PRMT8: variants seen among roughly 807,000 people sequenced by gnomAD.
PRMT8 encodes the protein protein arginine methyltransferase 8, also known as protein arginine N-methyltransferase 8.
PRMT8 carries 7 observed loss-of-function variants against 47.1 expected under a neutral mutation model. That is an observed-to-expected ratio of 0.15 (90% CI 0.08 to 0.28). The LOEUF is 0.28. Among genes scored for constraint, PRMT8 ranks in the 10% least tolerant of loss-of-function variants. The pLI is 1.00. For missense variants in PRMT8, 237 were observed against 505.4 expected (o/e 0.47, Z 5.09); for synonymous variants, 188 against 186.5 (o/e 1.01, Z -0.07).
At chr12:3,426,064 C>CAG (rs1864601205) in intron 1 of PRMT8, among the ~76,000 whole-genome samples, 1 of 152,188 alleles carries the variant, frequency 6.6e-6, no homozygotes, top group East Asian at 1.9e-4. Flanking sequence ...CGGGATATAG[C>CAG]AGAGAGAGAG....
intron 4 of PRMT8, among the ~76,000 whole-genome samples, chr12:3,555,271 C>T (rs10774155): frequency 0.18 from 27,201 of 152,142 alleles, 2,564 homozygotes; most frequent in Middle Eastern, 0.19. Context: ...GCTGACAGGA[C>T]GGAGAGAGAC....
upstream of PRMT8, among the ~76,000 whole-genome samples, chr12:3,488,860 T>C (rs1322128736): frequency 6.6e-6 from 1 of 152,254 alleles, no homozygotes; most frequent in Non-Finnish European, 1.5e-5. Context: ...CATCTCTTGG[T>C]GTATAACAAA....
chr12:3,400,389 A>G (rs1254613062), intron 1 of PRMT8, among the ~76,000 whole-genome samples: 1 of 152,236 alleles, frequency 6.6e-6, no homozygotes, highest in Admixed American at 6.5e-5. Context: ...ACCTCTATGC[A>G]CATAAACTAG....
At chr12:3,421,939 T>G (rs1407924035) in intron 1 of PRMT8, among the ~76,000 whole-genome samples, 2 of 152,102 alleles carry the variant, frequency 1.3e-5, no homozygotes, top group Admixed American at 6.5e-5. Context: ...GCTACTGGGG[T>G]GGGCTCCAGC....
At chr12:3,407,446 G>T (rs1012260801) in intron 1 of PRMT8, among the ~76,000 whole-genome samples, 1 of 151,854 alleles carries the variant, frequency 6.6e-6, no homozygotes, top group Non-Finnish European at 1.5e-5. Flanking sequence ...ATCCTGTCTT[G>T]CAACATTTCT....
intron 1 of PRMT8, among the ~76,000 whole-genome samples, chr12:3,497,454 C>T (rs1352935517): frequency 6.6e-6 from 1 of 152,208 alleles, no homozygotes. Flanking sequence ...TCTTCGATTG[C>T]AATCTGAGTC....
intron 1 of PRMT8, among the ~76,000 whole-genome samples, chr12:3,431,331 G>A (rs2137068241): frequency 1.3e-5 from 2 of 152,172 alleles, no homozygotes; most frequent in South Asian, 4.2e-4. Context: ...TAGCAGAGAG[G>A]GCACCAAACT....
chr12:3,590,890 G>C (rs138484335), intron 8 of PRMT8, among the ~76,000 whole-genome samples: 4 of 152,258 alleles, frequency 2.6e-5, no homozygotes, highest in Non-Finnish European at 5.9e-5. Context: ...AGGCTGGCCC[G>C]GTCCCTGCCC....
intron 4 of PRMT8, among the ~76,000 whole-genome samples, chr12:3,560,457 C>A (rs540044234): frequency 5.1e-4 from 78 of 152,294 alleles, no homozygotes; most frequent in Non-Finnish European, 8.5e-4. Flanking sequence ...GTGGCCCACA[C>A]GCGCGCTTCA....
intron 8 of PRMT8, among the ~76,000 whole-genome samples, chr12:3,585,966 G>C (rs940634350): frequency 3.9e-5 from 6 of 152,112 alleles, no homozygotes; most frequent in Non-Finnish European, 7.3e-5. Flanking sequence ...AGCTGGCTCT[G>C]CCTATTCCAT....
chr12:3,475,768 G>A (rs1162500953), intron 1 of PRMT8, among the ~76,000 whole-genome samples: 3 of 152,100 alleles, frequency 2.0e-5, no homozygotes, highest in East Asian at 3.9e-4. Flanking sequence ...GTTGGGATGG[G>A]GGGCCTCGGC....
chr12:3,402,656 G>A (rs555578824), intron 1 of PRMT8, among the ~76,000 whole-genome samples: 1 of 152,218 alleles, frequency 6.6e-6, no homozygotes, highest in South Asian at 2.1e-4. Flanking sequence ...TAAAAAGTGG[G>A]CAAAGAACAC....
intron 1 of PRMT8, among the ~76,000 whole-genome samples, chr12:3,470,116 TA>T (rs149095014): frequency 0.022 from 3,357 of 151,910 alleles, 112 homozygotes; most frequent in African/African-American, 0.067. Flanking sequence ...CGAATACACA[TA>T]AAAAAAAATT....
chr12:3,523,794 C>T (rs1865915550), intron 1 of PRMT8, among the ~76,000 whole-genome samples: 1 of 152,216 alleles, frequency 6.6e-6, no homozygotes, highest in African/African-American at 2.4e-5. Flanking sequence ...CCTATCATTG[C>T]TCTTTCCTGC....
chr12:3,384,083 C>T (rs151260876), intron 1 of PRMT8, among the ~76,000 whole-genome samples: 1 of 152,240 alleles, frequency 6.6e-6, no homozygotes, highest in Non-Finnish European at 1.5e-5. Context: ...TCTTATTGCA[C>T]TGAATAGAAC....
chr12:3,558,961 C>CTATCTATCTATCTAT (rs1866579970), intron 4 of PRMT8, among the ~76,000 whole-genome samples: 5 of 150,108 alleles, frequency 3.3e-5, no homozygotes, highest in South Asian at 2.2e-4. Context: ...TATCTATCTA[C>CTATCTATCTATCTAT]CTATCTATCT....
intron 6 of PRMT8, chr12:3,574,112 T>C (rs540695852): frequency 6.6e-6 from 1 of 152,300 alleles, no homozygotes; most frequent in African/African-American, 2.4e-5. Flanking sequence ...TGCAAAACAG[T>C]GCAGGCATTA....
In PRMT8 at chr12:3,566,669, G is replaced by T. The variant is rs1240239530; in HGVS notation, c.482-2037G>T. On this transcript the variant is annotated intron_variant, in intron 4 of 9. Transcript: ENST00000382622. This position sits in a 1 kb window ranked among gnomAD's most constrained non-coding sequence, Gnocchi z 4.7. The stretch of plus-strand genomic sequence containing the variant: ...AAAGCCAGCAAACGGTGTGCTCTTT[G>T]CCATCCAGGAGCCTCAGTCCAAATT... Among the ~76,000 whole-genome samples, 1 of 152,220 alleles carries T rather than the reference G, an allele frequency of 6.6e-6. No homozygotes were observed. The highest frequency in any genetic ancestry group is 1.5e-5 in the Non-Finnish European group (1 of 68,046).
In PRMT8 at chr12:3,426,101, G is replaced by A. The variant is rs1864601730; in HGVS notation, c.48+44659G>A. On this transcript the variant is annotated intron_variant, in intron 1 of 9. Transcript: ENST00000452611. ...TTGGCAAGACTTGTTACCCTAGGCT[G>A]TAGAATCTTGGAAAAGAGCTACCAT... Among the ~76,000 whole-genome samples, 3 of 152,214 alleles carry A rather than the reference G, an allele frequency of 2.0e-5. No homozygotes were observed. In the South Asian group the frequency reaches 6.2e-4, roughly 32 times the overall value.
Sources: allele counts gnomAD v4.1 joint callset (sites outside exome capture counted in the v4.1 genomes callset), GRCh38; gene constraint gnomAD v4.1.1; non-coding constraint Gnocchi (gnomAD v3.1); transcripts MANE v1.5; gene names NCBI Gene and HGNC (gene_info 2026-07-23, HGNC 2026-07-21).